The following STK3 variants were observed in gnomAD, a reference collection of about 807,000 sequenced individuals.
The protein encoded by STK3 is serine/threonine kinase 3, also known as serine/threonine-protein kinase 3.
In STK3, 41 loss-of-function variants were observed where a neutral mutation model predicts 58.0. The observed-to-expected ratio is 0.71, with a 90% CI of 0.55 to 0.92. STK3 has a LOEUF of 0.92. Among genes scored for constraint, STK3 ranks in the 40% least tolerant of loss-of-function variants. The pLI is 0.00. For synonymous variants in STK3, 170 were observed against 191.0 expected (o/e 0.89, Z 0.91); for missense variants, 479 against 602.7 (o/e 0.79, Z 2.15).
At chr8:98,891,294 A>ATTTAAGGCTT in intron 1 of STK3, among the ~76,000 whole-genome samples, 1 of 152,364 alleles carries the variant, frequency 6.6e-6, no homozygotes, top group African/African-American at 2.4e-5. Context: ...TTTAAAAAGC[A>ATTTAAGGCTT]TTTAAGGCAG....
In STK3 at chr8:98,534,996, G is replaced by C. The variant is rs550415145; in HGVS notation, c.1142-8079C>G. On this transcript the variant is annotated intron_variant, in intron 9 of 10. Transcript: ENST00000419617. ...TCTTTTTAAAGGGAAGATTAATTCT[G>C]TAATAGAATTATATATTTAGTTGTA... 2.6e-5 allele frequency among the ~76,000 whole-genome samples: 4 copies of C among 152,182 alleles called. No homozygotes were observed. In the South Asian group the frequency reaches 8.3e-4, roughly 32 times the overall value.
intron 1 of STK3, among the ~76,000 whole-genome samples, chr8:98,447,846 TAAAAA>T (rs1172204047): frequency 6.7e-6 from 1 of 148,914 alleles, no homozygotes; most frequent in Non-Finnish European, 1.5e-5. Context: ...TGAACAAGAT[TAAAAA>T]ACTAGCAACC....
At chr8:98,698,502 C>T (rs1056016149) in intron 6 of STK3, among the ~76,000 whole-genome samples, 72 of 152,232 alleles carry the variant, frequency 4.7e-4, no homozygotes, top group African/African-American at 1.2e-3. Flanking sequence ...TGGCTGGTAC[C>T]GGTTGTTCCT....
At chr8:98,486,635 T>TGGTGGA (rs1156706084) in intron 10 of STK3, among the ~76,000 whole-genome samples, 1 of 151,716 alleles carries the variant, frequency 6.6e-6, no homozygotes, top group Non-Finnish European at 1.5e-5. Flanking sequence ...CCAAAGGAAA[T>TGGTGGA]GGTGGAGGAA....
chr8:98,867,785 G>A (rs1184600745), intron 3 of STK3, among the ~76,000 whole-genome samples: 1 of 152,164 alleles, frequency 6.6e-6, no homozygotes, highest in East Asian at 1.9e-4. Context: ...AACAGTACAT[G>A]CCTCACAGGG....
At chr8:98,635,316 T>C (rs1008836560) in intron 6 of STK3, among the ~76,000 whole-genome samples, 1 of 152,354 alleles carries the variant, frequency 6.6e-6, no homozygotes, top group South Asian at 2.1e-4. Flanking sequence ...GCACTTATTA[T>C]GTATGGGGCA....
intron 1 of STK3, among the ~76,000 whole-genome samples, chr8:98,790,650 C>A (rs1229326145): frequency 6.6e-6 from 1 of 152,166 alleles, no homozygotes; most frequent in Non-Finnish European, 1.5e-5. Flanking sequence ...CAACATAGTA[C>A]TGGAAGTCCT....
At chr8:98,593,420 T>C (rs183853287) in intron 7 of STK3, among the ~76,000 whole-genome samples, 1 of 152,296 alleles carries the variant, frequency 6.6e-6, no homozygotes, top group African/African-American at 2.4e-5. Flanking sequence ...GGTAATCAGA[T>C]TGTCCACTGA....
intron 9 of STK3, among the ~76,000 whole-genome samples, chr8:98,530,532 A>G (rs1208396358): frequency 1.3e-5 from 2 of 152,202 alleles, no homozygotes; most frequent in Non-Finnish European, 2.9e-5. Flanking sequence ...CTAAGATTTG[A>G]CTGGAGTGTC....
intron 10 of STK3, among the ~76,000 whole-genome samples, chr8:98,476,214 T>C (rs1331748954): frequency 2.0e-5 from 3 of 152,330 alleles, no homozygotes; most frequent in South Asian, 2.1e-4. Context: ...ATCAGAGGCA[T>C]GCAAGGAAGG....
chr8:98,841,108 CAA>C (rs1279710927), intron 3 of STK3, among the ~76,000 whole-genome samples: 1 of 152,316 alleles, frequency 6.6e-6, no homozygotes, highest in African/African-American at 2.4e-5. Flanking sequence ...GGAGAGAAGA[CAA>C]GAGAGCAAGC....
intron 8 of STK3, among the ~76,000 whole-genome samples, chr8:98,555,617 C>T (rs921208726): frequency 5.3e-5 from 8 of 151,892 alleles, no homozygotes; most frequent in African/African-American, 1.5e-4. Context: ...ACAATTCTAA[C>T]GAGTATGCAT....
intron 6 of STK3, among the ~76,000 whole-genome samples, chr8:98,670,724 T>C (rs1191363724): frequency 1.3e-5 from 2 of 152,216 alleles, no homozygotes; most frequent in Non-Finnish European, 2.9e-5. Context: ...CCCCCGATCC[T>C]GTGCCCATAA....
downstream of STK3, chr8:98,880,323 A>G (rs993387566): frequency 2.0e-5 from 3 of 152,198 alleles, no homozygotes; most frequent in East Asian, 1.9e-4. Context: ...AAAGTAAGAA[A>G]TGTGCATTAA....
At chr8:98,369,826 T>G (rs1817593975), downstream of STK3, among the ~76,000 whole-genome samples, 1 of 152,102 alleles carries the variant, frequency 6.6e-6, no homozygotes, top group South Asian at 2.1e-4. Flanking sequence ...GGTTTATTGC[T>G]CAAGTAATGA....
At position 98,562,573 on chromosome 8, in the gene STK3, G is replaced by A. The variant is rs533797493; in HGVS notation, c.949-14412C>T. 3.3e-5 allele frequency among the ~76,000 whole-genome samples: 5 copies of A among 151,642 alleles called. No individual in the cohort carries two copies. The South Asian group carries it at 1.0e-3, about 32-fold the overall frequency. ...TAAGGGTGATGAAACTGTTCTGTTT[G>A]ACAGTACAGTGTATCATGTGTATCG... is the stretch of plus-strand genomic sequence containing the variant. On this transcript the variant is annotated intron_variant, in intron 8 of 10. Transcript: ENST00000419617.
chr8:98,654,706 C>A (rs1041708024), intron 6 of STK3, among the ~76,000 whole-genome samples: 3 of 151,902 alleles, frequency 2.0e-5, no homozygotes, highest in South Asian at 2.1e-4. Context: ...AAACAGAGAG[C>A]CAAATCATGA....
intron 4 of STK3, among the ~76,000 whole-genome samples, 165 bp from the exon 5 acceptor site, chr8:98,707,476 C>T (rs1478266896): frequency 6.6e-6 from 1 of 152,052 alleles, no homozygotes; most frequent in African/African-American, 2.4e-5. Context: ...GATGATAGCT[C>T]ACTGCAGCCT....
At chr8:98,881,054 T>C (rs922976219), downstream of STK3, 38 of 152,222 alleles carry the variant, frequency 2.5e-4, no homozygotes, top group Non-Finnish European at 5.0e-4. Context: ...GCCAATAACA[T>C]ATAGCATATT....
Sources: gnomAD v4.1 joint callset for allele counts (sites outside exome capture counted in the v4.1 genomes callset) on GRCh38, gnomAD v4.1.1 for gene constraint, MANE v1.5 for transcripts, NCBI Gene and HGNC (gene_info 2026-07-23, HGNC 2026-07-21) for gene names.